The following DUSP8 variants were observed in gnomAD, a reference collection of about 807,000 sequenced individuals.
The protein encoded by DUSP8 is dual specificity protein phosphatase 8.
A neutral mutation model predicts 38.7 loss-of-function variants in DUSP8; 15 were observed. The ratio of observed to expected loss-of-function variants is 0.39; its 90% CI spans 0.26 to 0.60. The LOEUF (loss-of-function observed/expected upper bound fraction) is 0.60. Among genes scored for constraint, DUSP8 ranks in the 20% least tolerant of loss-of-function variants. DUSP8 has a pLI of 0.56. For synonymous variants in DUSP8, 458 were observed against 433.9 expected, an observed-to-expected ratio of 1.06 and a Z score of -0.69; for missense variants, 768 against 915.0, an observed-to-expected ratio of 0.84 and a Z score of 2.07.
chr11:1,570,395 T>C (rs1443472381), intron 1 of DUSP8, among the ~76,000 whole-genome samples: 3 of 152,144 alleles, frequency 2.0e-5, no homozygotes, highest in Non-Finnish European at 2.9e-5. Context: ...GTCTGCCCCT[T>C]TCCCTGCCTT....
intron 3 of DUSP8, among the ~76,000 whole-genome samples, chr11:1,561,106 G>A (rs1365479404): frequency 6.6e-6 from 1 of 152,114 alleles, no homozygotes; most frequent in African/African-American, 2.4e-5. Context: ...CCAGGCTCTG[G>A]GGGTGAGTGA....
Position 1,556,568 on chromosome 11 carries a change from C to G in DUSP8, c.1828G>C (p.Gly610Arg). Reference protein sequence around the residue: ...RARGEELAALGKQASFSGSVE... With the variant: ...RARGEELAALRKQASFSGSVE... ...CTGCCCGAGAAGCTCGCCTGCTTGC[C>G]CAGGGCGGCCAGCTCCTCGCCGCGC... The change falls in exon 7 of 7, where the codon GGC (glycine) becomes CGC (arginine). Residue 610 changes from glycine (G) to arginine (R), a missense_variant. By Grantham distance (125) the Gly-to-Arg change is moderately radical (BLOSUM62 -2). Coordinates refer to ENST00000397374, the MANE Select transcript of DUSP8 (RefSeq NM_004420.3). The surrounding 1 kb of genome is among the most constrained non-coding windows in gnomAD (Gnocchi z 5.2). 1.4e-6 allele frequency: 2 copies of G among 1,426,510 alleles called. No individual in the cohort carries two copies. Among genetic ancestry groups the G allele is most frequent in the Non-Finnish European group, 1.8e-6 (2 of 1,089,406 alleles). The allele number at this position is 1,426,510 out of a possible 1,614,324, so 88.4% of individuals were successfully genotyped here.
chr11:1,572,698 C>T (rs1848928357), upstream of DUSP8: 1 of 152,144 alleles, frequency 6.6e-6, no homozygotes, highest in Non-Finnish European at 1.5e-5. The surrounding 1 kb of genome is among the most constrained non-coding windows in gnomAD (Gnocchi z 4.7). Context: ...CCCCCTTCTC[C>T]TGGCCTTTGT....
At position 1,565,777 on chromosome 11, in the gene DUSP8, G is replaced by GC; in HGVS notation, c.49dup (p.Ala17GlyfsTer74). 1 of 1,610,846 alleles carries GC rather than the reference G, an allele frequency of 6.2e-7. No individual in the cohort carries two copies. Among genetic ancestry groups the GC allele is most frequent in the African/African-American group, 1.3e-5 (1 of 74,988 alleles). On this transcript the variant is annotated frameshift_variant, in exon 2 of 7. Coordinates refer to ENST00000397374, the MANE Select transcript of DUSP8 (RefSeq NM_004420.3). LOFTEE classifies it high-confidence loss of function. The stretch of plus-strand genomic sequence containing the variant: ...CCCAGGCCCGCCCCGCAGCAGGCTG[G>GC]CCAGCTTCTTGGCATCCATCACCTT...
chr11:1,556,870 G>A lies in DUSP8; in HGVS notation c.1526C>T (p.Ala509Val). ...CGTGCCTGGGGAGTCGAGCGGCGGT[G>A]CCCAGGCCCCGGGGCCGGCCGGCTG... ...PGQPAGPGAWAPPLDSPGTPS... is the reference protein window; with the variant it reads ...PGQPAGPGAWVPPLDSPGTPS... Residue 509 changes from alanine to valine, a missense_variant, in exon 7 of 7, where the codon GCA becomes GTA. This residue lies in a region of DUSP8 where 474 missense variants were observed against 430.8 expected (regional missense o/e 1.10). Coordinates refer to ENST00000397374, the MANE Select transcript of DUSP8 (RefSeq NM_004420.3). The surrounding 1 kb of genome is among the most constrained non-coding windows in gnomAD (Gnocchi z 5.2). 4 of 1,120,778 alleles carry A rather than the reference G, an allele frequency of 3.6e-6. No homozygotes were observed. The highest frequency in any genetic ancestry group is 4.4e-6 in the Non-Finnish European group (4 of 917,404). 69.4% of individuals were successfully genotyped at this position (1,120,778 alleles called of 1,614,324 possible).
chr11:1,557,838 G>A lies in DUSP8; in HGVS notation c.777C>T (p.Ala259=). 1 of 1,613,868 alleles carries A rather than the reference G, an allele frequency of 6.2e-7. No individual in the cohort carries two copies. ...ACATGCCCATGGTCTTCATGATGTA[G>A]GCGATGGCGATGGTGGCAGAGCGGG... ...GISRSATIAI[A]YIMKTMGMSS... The change falls in exon 6 of 7, where the codon GCC becomes GCT. Residue 259 remains alanine (A), a synonymous_variant. Coordinates refer to ENST00000397374, the MANE Select transcript of DUSP8 (RefSeq NM_004420.3). The surrounding 1 kb of genome is among the most constrained non-coding windows in gnomAD (Gnocchi z 9.9).
chr11:1,567,591 C>G (rs186414807), intron 1 of DUSP8, among the ~76,000 whole-genome samples: 4 of 152,268 alleles, frequency 2.6e-5, no homozygotes, highest in African/African-American at 9.6e-5. Flanking sequence ...CCTCCCGCCT[C>G]GACTGGGCCC....
chr11:1,560,344 C>T (rs1228862841), intron 3 of DUSP8, among the ~76,000 whole-genome samples: 6 of 152,148 alleles, frequency 3.9e-5, no homozygotes, highest in Admixed American at 1.3e-4. Context: ...GCCTGCCCCG[C>T]GTGCCCCCAG....
At position 1,556,880 on chromosome 11, in the gene DUSP8, C is replaced by T; in HGVS notation, c.1516G>A (p.Gly506Arg). Residue 506 changes from glycine to arginine, a missense_variant, in exon 7 of 7, where the codon GGG becomes AGG. Transcript: ENST00000397374. This position sits in a 1 kb window ranked among gnomAD's most constrained non-coding sequence, Gnocchi z 5.2. The part of the protein sequence containing the change: ...LPGPGQPAGP[G>R]AWAPPLDSPG... ...GAGTCGAGCGGCGGTGCCCAGGCCC[C>T]GGGGCCGGCCGGCTGGCCAGGGCCG... 2 of 1,103,554 alleles carry T rather than the reference C, an allele frequency of 1.8e-6. No individual in the cohort carries two copies. The highest frequency in any genetic ancestry group is 5.2e-5 in the Admixed American group (1 of 19,364). The allele number at this position is 1,103,554 out of a possible 1,614,324, so 68.4% of individuals were successfully genotyped here. A position where few individuals can be genotyped will look rare whatever the true frequency, so the allele number is the denominator to read the frequency against.
rs199902308 is a variant in DUSP8 at position 1,558,308 on chromosome 11, A to G, written c.538-37T>C. The G allele has an allele frequency of 5.5e-6, 5 of 910,772 alleles. No homozygotes were observed. The highest frequency in any genetic ancestry group is 6.7e-6 in the Non-Finnish European group (4 of 600,736). The allele number at this position is 910,772 out of a possible 1,614,324, so 56.4% of individuals were successfully genotyped here. On this transcript the variant is annotated intron_variant, in intron 4 of 6. Coordinates refer to ENST00000397374, the MANE Select transcript of DUSP8 (RefSeq NM_004420.3). This position sits in a 1 kb window ranked among gnomAD's most constrained non-coding sequence, Gnocchi z 6.3. ...GGAGGGCGGGTTGGAAAGGGGTGGG[A>G]GAAGCTCGGGGCGGGAGTGAAGGTG...
intron 1 of DUSP8, among the ~76,000 whole-genome samples, chr11:1,567,036 A>C (rs931534596): frequency 6.6e-6 from 1 of 152,106 alleles, no homozygotes; most frequent in Non-Finnish European, 1.5e-5. Flanking sequence ...AGTTTGCTTT[A>C]ACTATGGGGA....
rs1218234205 is a variant in DUSP8 at position 1,557,171 on chromosome 11, C to G, written c.1225G>C (p.Asp409His). The G allele has an allele frequency of 8.3e-6, 12 of 1,451,980 alleles. No individual in the cohort carries two copies. Among genetic ancestry groups the G allele is most frequent in the Non-Finnish European group, 9.9e-6 (11 of 1,109,556 alleles). The allele number at this position is 1,451,980 out of a possible 1,614,324, so 89.9% of individuals were successfully genotyped here. The change falls in exon 7 of 7, where the codon GAC (aspartate) becomes CAC (histidine). Residue 409 changes from aspartate to histidine, a missense_variant. This residue lies in a region of DUSP8 where 474 missense variants were observed against 430.8 expected (regional missense o/e 1.10). Transcript: ENST00000397374. The surrounding 1 kb of genome is among the most constrained non-coding windows in gnomAD (Gnocchi z 9.9). Reference sequence around the variant, plus strand: ...CCGGGGTCGGGGGGCCCGGGGCCGTCGGGCCGCCTGCTAGGGGCGTAGGCA... The same window carrying G: ...CCGGGGTCGGGGGGCCCGGGGCCGTGGGGCCGCCTGCTAGGGGCGTAGGCA... ...KSAYAPSRRP[D>H]GPGPPDPGEA... is the part of the protein sequence containing the mutation.
intron 1 of DUSP8, among the ~76,000 whole-genome samples, chr11:1,566,361 C>T (rs1848804380): frequency 6.6e-6 from 1 of 152,126 alleles, no homozygotes; most frequent in Non-Finnish European, 1.5e-5. Flanking sequence ...CTGCCCTCCT[C>T]CGGGCTTGCT....
intron 2 of DUSP8, among the ~76,000 whole-genome samples, chr11:1,564,383 C>T (rs923772517): frequency 1.3e-5 from 2 of 152,214 alleles, no homozygotes; most frequent in African/African-American, 2.4e-5. Flanking sequence ...CAGAGAAGCT[C>T]GGCCCTGAAA....
rs997457221 is a variant in DUSP8 at position 1,556,520 on chromosome 11, A to C, written c.1876T>G (p.Ter626GlyextTer16). 1 of 1,296,624 alleles carries C rather than the reference A, an allele frequency of 7.7e-7. No homozygotes were observed. The highest frequency in any genetic ancestry group is 1.5e-5 in the African/African-American group (1 of 65,554). The allele number at this position is 1,296,624 out of a possible 1,614,324, so 80.3% of individuals were successfully genotyped here. A position where few individuals can be genotyped will look rare whatever the true frequency, so the allele number is the denominator to read the frequency against. Residue 626 changes from the stop codon to glycine, a stop_lost, in exon 7 of 7, where the codon TGA becomes GGA. Transcript: ENST00000397374. This position sits in a 1 kb window ranked among gnomAD's most constrained non-coding sequence, Gnocchi z 5.2. The stretch of plus-strand genomic sequence containing the variant: ...CGGGGCCGAGGGCAGCGGAGGGGTC[A>C]GGACACCTCGATGACCTCCACGCTG... ...SGSVEVIEVS* is the reference protein window; with the variant it reads ...SGSVEVIEVSG
At position 1,565,719 on chromosome 11, in the gene DUSP8, C is replaced by T. The variant is rs758477787; in HGVS notation, c.108G>A (p.Val36=). ...GPLVIDSRSF[V]EYNSWHVLSS... is the part of the protein sequence containing the mutation. ...TGAGCACATGCCAGCTGTTGTACTCCACGAAGGAGCGGCTGTCGATGACCA... is the reference window on the plus strand; with the variant it reads ...TGAGCACATGCCAGCTGTTGTACTCTACGAAGGAGCGGCTGTCGATGACCA... Residue 36 remains valine, a synonymous_variant, in exon 2 of 7, where the codon GTG becomes GTA. Transcript: ENST00000397374. 2.5e-5 allele frequency: 40 copies of T among 1,611,832 alleles called. No individual in the cohort carries two copies. The highest frequency in any genetic ancestry group is 1.7e-6 in the Non-Finnish European group (2 of 1,179,702).
intron 1 of DUSP8, among the ~76,000 whole-genome samples, chr11:1,569,313 C>T (rs910842005): frequency 6.6e-6 from 1 of 152,128 alleles, no homozygotes; most frequent in African/African-American, 2.4e-5. Flanking sequence ...AGGCACCAGG[C>T]CGCCACCCTC....
intron 1 of DUSP8, among the ~76,000 whole-genome samples, chr11:1,568,900 A>T (rs1345876688): frequency 6.6e-6 from 1 of 152,156 alleles, no homozygotes; most frequent in African/African-American, 2.4e-5. Flanking sequence ...TACAGCTCCC[A>T]GGGGGACATG....
At chr11:1,567,586 C>T (rs1344565506) in intron 1 of DUSP8, among the ~76,000 whole-genome samples, 1 of 152,278 alleles carries the variant, frequency 6.6e-6, no homozygotes, top group Non-Finnish European at 1.5e-5. Context: ...TGGCCCCTCC[C>T]GCCTCGACTG....
Sources: gnomAD v4.1 joint callset for allele counts (sites outside exome capture counted in the v4.1 genomes callset) on GRCh38, gnomAD v4.1.1 for gene constraint, gnomAD v4.1.1 regional missense constraint, Gnocchi (gnomAD v3.1) non-coding constraint, MANE v1.5 for transcripts, NCBI Gene and HGNC (gene_info 2026-07-23, HGNC 2026-07-21) for gene names.